RNF180: variants seen among roughly 807,000 people sequenced by gnomAD.
RNF180 encodes E3 ubiquitin-protein ligase RNF180.
Under a neutral mutation model 59.2 loss-of-function variants are expected in RNF180, and 38 were observed. The ratio of observed to expected loss-of-function variants is 0.64; its 90% CI spans 0.50 to 0.84. The LOEUF (loss-of-function observed/expected upper bound fraction) is 0.84. Among genes scored for constraint, RNF180 ranks in the 40% least tolerant of loss-of-function variants. The pLI, the probability that RNF180 is intolerant of heterozygous loss-of-function variation, is 0.00. For missense variants in RNF180, 705 were observed against 700.9 expected (o/e 1.01, Z -0.07); for synonymous variants, 262 against 240.3 (o/e 1.09, Z -0.84).
At chr5:64,253,104 C>G (rs1743692050) in intron 5 of RNF180, among the ~76,000 whole-genome samples, 1 of 152,054 alleles carries the variant, frequency 6.6e-6, no homozygotes, top group Non-Finnish European at 1.5e-5. Context: ...GATTGTTGTC[C>G]TAGTCTACAC....
intron 5 of RNF180, among the ~76,000 whole-genome samples, chr5:64,301,123 G>T (rs1255063068): frequency 6.6e-6 from 1 of 151,728 alleles, no homozygotes; most frequent in Non-Finnish European, 1.5e-5. Flanking sequence ...AAGATTCATT[G>T]CTGAGTAGGA....
intron 1 of RNF180, among the ~76,000 whole-genome samples, chr5:64,180,313 T>C (rs1009885930): frequency 3.3e-5 from 5 of 152,192 alleles, no homozygotes; most frequent in Non-Finnish European, 7.3e-5. Context: ...TTCTGTAATA[T>C]CTTACTTTCA....
intron 5 of RNF180, among the ~76,000 whole-genome samples, chr5:64,273,064 C>T (rs1199184458): frequency 6.6e-6 from 1 of 151,830 alleles, no homozygotes; most frequent in Non-Finnish European, 1.5e-5. Context: ...CCAAAACCCA[C>T]CAAAACCAAG....
chr5:64,340,230 ATTTCT>A (rs1444439222), intron 7 of RNF180, among the ~76,000 whole-genome samples: 1 of 152,206 alleles, frequency 6.6e-6, no homozygotes, highest in African/African-American at 2.4e-5. Context: ...ACATTGTTGA[ATTTCT>A]TTTCTAAACA....
At chr5:64,307,924 C>T (rs1463704592) in intron 5 of RNF180, among the ~76,000 whole-genome samples, 2 of 151,700 alleles carry the variant, frequency 1.3e-5, no homozygotes, top group Non-Finnish European at 2.9e-5. Flanking sequence ...TGCTAAATTG[C>T]AGGAAGCAGT....
intron 5 of RNF180, among the ~76,000 whole-genome samples, chr5:64,298,714 A>G (rs1461147424): frequency 6.6e-6 from 1 of 152,158 alleles, no homozygotes; most frequent in African/African-American, 2.4e-5. Flanking sequence ...CAAAACAAAA[A>G]TGGTTCAAGA....
At chr5:64,243,688 C>T (rs1437250784) in intron 5 of RNF180, among the ~76,000 whole-genome samples, 1 of 152,190 alleles carries the variant, frequency 6.6e-6, no homozygotes, top group Non-Finnish European at 1.5e-5. Flanking sequence ...ACGTTCCTGC[C>T]TGCCAGCTCT....
At chr5:64,304,936 C>T (rs1743352115) in intron 5 of RNF180, among the ~76,000 whole-genome samples, 1 of 151,564 alleles carries the variant, frequency 6.6e-6, no homozygotes, top group Non-Finnish European at 1.5e-5. Flanking sequence ...AACCACCACC[C>T]TAATCAGTCA....
rs774764792 is a variant in RNF180, at chr5:64,214,229, G to T, written c.903G>T (p.Glu301Asp). The T allele has an allele frequency of 8.1e-6, 13 of 1,613,864 alleles. No individual in the cohort carries two copies. The Admixed American group carries it at 1.3e-4, about 17-fold the overall frequency. The change falls in exon 4 of 8, where the codon GAG becomes GAT. Residue 301 changes from glutamate (E) to aspartate (D), a missense_variant. Glu to Asp is a conservative substitution (Grantham distance 45). Transcript: ENST00000389100. ...AAAGATTTTCAGTGGCCCCCCATGA[G>T]ACCCAGACACAAAGAGGAGGAGAAT... ...LLQRFSVAPH[E>D]TQTQRGGEFQ...
intron 7 of RNF180, among the ~76,000 whole-genome samples, chr5:64,338,898 G>A (rs368551205): frequency 1.3e-5 from 2 of 151,860 alleles, no homozygotes; most frequent in African/African-American, 4.8e-5. Context: ...TCTAATGTTA[G>A]GACATTAGAA....
chr5:64,247,375 G>A lies in RNF180; in HGVS notation c.1227+29979G>A, dbSNP rs140090985. The stretch of plus-strand genomic sequence containing the variant: ...ATACATAGAAAATCCCATCGTCTCA[G>A]CCCAAAATCTCCTTAAGCTTATAAG... On this transcript the variant is annotated intron_variant, in intron 5 of 7. Transcript: ENST00000389100. 4.0e-3 allele frequency among the ~76,000 whole-genome samples: 604 copies of A among 152,234 alleles called. 8 individuals are homozygous for A. The highest frequency in any genetic ancestry group is 0.013 in the African/African-American group (550 of 41,546).
chr5:64,335,313 T>C (rs1248571960), intron 7 of RNF180, among the ~76,000 whole-genome samples: 1 of 152,112 alleles, frequency 6.6e-6, no homozygotes, highest in Non-Finnish European at 1.5e-5. Context: ...TGATATATTT[T>C]AATGAATTGT....
At position 64,194,273 on chromosome 5, in the gene RNF180, C is replaced by T. The variant is rs370754018; in HGVS notation, c.1-6535C>T. ...TGCAGTGTTTGGTTTTTTGTCCTTG[C>T]GATAGTTTGCTGAGAATGATGGTTT... On this transcript the variant is annotated intron_variant, in intron 1 of 7. Transcript: ENST00000389100. Among the ~76,000 whole-genome samples, 27 of 152,098 alleles carry T rather than the reference C, an allele frequency of 1.8e-4. No homozygotes were observed. The South Asian group carries it at 3.3e-3, about 19-fold the overall frequency.
chr5:64,179,165 T>C (rs990366330), intron 1 of RNF180, among the ~76,000 whole-genome samples: 3 of 152,164 alleles, frequency 2.0e-5, no homozygotes, highest in Non-Finnish European at 4.4e-5. Context: ...CAAATACTTA[T>C]GGGATAGAAA....
chr5:64,167,511 T>G (rs530106015), intron 1 of RNF180, among the ~76,000 whole-genome samples: 1 of 152,346 alleles, frequency 6.6e-6, no homozygotes, highest in African/African-American at 2.4e-5. Context: ...GATTTCTTTC[T>G]TGATAAAATA....
intron 1 of RNF180, among the ~76,000 whole-genome samples, chr5:64,182,854 A>G (rs557180371): frequency 2.2e-4 from 34 of 152,320 alleles, no homozygotes; most frequent in African/African-American, 7.7e-4. Flanking sequence ...GACCCTGTCA[A>G]TGTATTGGAC....
intron 7 of RNF180, among the ~76,000 whole-genome samples, chr5:64,364,064 G>A (rs1746356276): frequency 6.6e-6 from 1 of 151,732 alleles, no homozygotes; most frequent in South Asian, 2.1e-4. Context: ...CTTCCTATTT[G>A]GATGCTCTTT....
chr5:64,241,409 T>G (rs759267382), intron 5 of RNF180, among the ~76,000 whole-genome samples: 3 of 152,250 alleles, frequency 2.0e-5, no homozygotes, highest in Non-Finnish European at 2.9e-5. Context: ...CAGACACCTT[T>G]TCTTTCTGTC....
In RNF180 at chr5:64,197,758, C is replaced by T. The variant is rs554832089; in HGVS notation, c.1-3050C>T. Among the ~76,000 whole-genome samples, 7 of 152,222 alleles carry T rather than the reference C, an allele frequency of 4.6e-5. No homozygotes were observed. The South Asian group carries it at 1.0e-3, about 23-fold the overall frequency. ...TTGAGAGTTGAAGTCAGTACCTTTT[C>T]GTGGCACATTATTTTTTACTTGAAT... is the stretch of plus-strand genomic sequence containing the variant. On this transcript the variant is annotated intron_variant, in intron 1 of 7. Coordinates refer to ENST00000389100, the MANE Select transcript of RNF180 (RefSeq NM_001113561.2).
Sources: gnomAD v4.1 joint callset for allele counts (sites outside exome capture counted in the v4.1 genomes callset) on GRCh38, gnomAD v4.1.1 for gene constraint, MANE v1.5 for transcripts, NCBI Gene and HGNC (gene_info 2026-07-23, HGNC 2026-07-21) for gene names.